Variants in PRKN observed in about 807,000 individuals in gnomAD.
PRKN encodes the protein E3 ubiquitin-protein ligase parkin.
Under a neutral mutation model 59.5 loss-of-function variants are expected in PRKN, and 56 were observed. That is an observed-to-expected ratio of 0.94 (90% confidence interval 0.76 to 1.18). The LOEUF is 1.18. Ranked by LOEUF, PRKN falls within the 50% of genes most tolerant of loss-of-function variation. The pLI is 0.00. For missense variants in PRKN, 657 were observed against 596.4 expected (o/e 1.10, Z -1.06); for synonymous variants, 250 against 222.1 (o/e 1.13, Z -1.12).
intron 1 of PRKN, among the ~76,000 whole-genome samples, chr6:162,593,488 T>C (rs1239660175): frequency 6.6e-6 from 1 of 152,230 alleles, no homozygotes; most frequent in East Asian, 1.9e-4. Context: ...AACTATGGCA[T>C]CATCTCTCTG....
At chr6:161,512,903 G>A (rs16892673) in intron 9 of PRKN, among the ~76,000 whole-genome samples, 13,451 of 152,128 alleles carry the variant, frequency 0.088, 685 homozygotes, top group African/African-American at 0.15. Context: ...AACAATATCC[G>A]TGCTGATGAT....
intron 9 of PRKN, among the ~76,000 whole-genome samples, chr6:161,439,225 T>A (rs1389807191): frequency 6.6e-6 from 1 of 152,134 alleles, no homozygotes; most frequent in Admixed American, 6.5e-5. Flanking sequence ...AATGACTCAT[T>A]AGTCCCGGGC....
At chr6:162,352,277 G>A (rs956041401) in intron 2 of PRKN, among the ~76,000 whole-genome samples, 4 of 152,154 alleles carry the variant, frequency 2.6e-5, no homozygotes, top group African/African-American at 4.8e-5. Context: ...TGTGCTTCAC[G>A]TAGTCTATGA....
chr6:161,718,131 T>A (rs1482731866), intron 7 of PRKN, among the ~76,000 whole-genome samples: 1 of 152,204 alleles, frequency 6.6e-6, no homozygotes, highest in African/African-American at 2.4e-5. Context: ...TGGTCTTTTT[T>A]CACTGCCCTT....
rs753238837 is a variant in PRKN, at chr6:162,025,014, A to ATT, written c.618+29075_618+29076dup. ...TATGTTGTGTTCATGTCCAGATTGT[A>ATT]TTTTTTTTTTTTTTTTTTTGAGACG... On this transcript the variant is annotated intron_variant, in intron 5 of 11. Transcript: ENST00000366898. Among the ~76,000 whole-genome samples the ATT allele has an allele frequency of 6.7e-4, 88 of 130,964 alleles. 1 individual carries two copies. Among genetic ancestry groups the ATT allele is most frequent in the African/African-American group, 1.3e-3 (45 of 34,506 alleles). The allele number at this position is 130,964 out of a possible 152,430, so 85.9% of individuals were successfully genotyped here.
chr6:162,132,619 A>G (rs1781410551), intron 4 of PRKN, among the ~76,000 whole-genome samples: 1 of 152,158 alleles, frequency 6.6e-6, no homozygotes, highest in South Asian at 2.1e-4. Context: ...GACCAGTATG[A>G]CATCTATTAA....
intron 1 of PRKN, among the ~76,000 whole-genome samples, chr6:162,492,917 C>T (rs1429550143): frequency 6.8e-6 from 1 of 147,302 alleles, no homozygotes; most frequent in Admixed American, 6.9e-5. Flanking sequence ...CCCGCCACTG[C>T]ACTCCAGCCT....
rs755120524 is a variant in PRKN at position 162,506,855 on chromosome 6, G to A, written c.8-63382C>T. On this transcript the variant is annotated intron_variant, in intron 1 of 11. Coordinates refer to ENST00000366898, the MANE Select transcript of PRKN (RefSeq NM_004562.3). ...CGCATCACAGTGGACTTAAGGGGCC[G>A]AGGAGAAGAGACAAGGTTGGCACTG... 2.8e-4 allele frequency among the ~76,000 whole-genome samples: 43 copies of A among 152,172 alleles called. 1 individual carries two copies. Among genetic ancestry groups the A allele is most frequent in the Non-Finnish European group, 5.0e-4 (34 of 68,024 alleles).
Position 161,498,887 on chromosome 6 carries a change from A to G in PRKN, c.1083+49967T>C, listed in dbSNP as rs1288248051. The stretch of plus-strand genomic sequence containing the variant: ...ATATGCTTTGGAACACCTATACATA[A>G]TAAAAGCAGAGATGGTCATGTTGAA... On this transcript the variant is annotated intron_variant, in intron 9 of 11. Transcript: ENST00000366898. The surrounding 1 kb of genome is among the most constrained non-coding windows in gnomAD (Gnocchi z 4.2). 2.0e-5 allele frequency among the ~76,000 whole-genome samples: 3 copies of G among 152,196 alleles called. No individual in the cohort carries two copies. Among genetic ancestry groups the G allele is most frequent in the African/African-American group, 7.2e-5 (3 of 41,446 alleles).
intron 2 of PRKN, among the ~76,000 whole-genome samples, chr6:162,416,283 C>T (rs979563896): frequency 3.3e-5 from 5 of 152,108 alleles, no homozygotes; most frequent in Non-Finnish European, 5.9e-5. Context: ...ATTTGAATCC[C>T]CCAGACCCCA....
At chr6:162,594,065 A>G (rs1182746428) in intron 1 of PRKN, among the ~76,000 whole-genome samples, 1 of 151,968 alleles carries the variant, frequency 6.6e-6, no homozygotes, top group African/African-American at 2.4e-5. Flanking sequence ...CAGGAGAATC[A>G]CTTGAACCTA....
intron 1 of PRKN, among the ~76,000 whole-genome samples, chr6:162,652,174 G>A (rs148465007): frequency 2.0e-5 from 3 of 152,200 alleles, no homozygotes; most frequent in Admixed American, 6.5e-5. Flanking sequence ...TGGCAAAACC[G>A]CCCCAGTTGA....
intron 5 of PRKN, among the ~76,000 whole-genome samples, chr6:162,027,441 T>C (rs1162677772): frequency 6.6e-6 from 1 of 152,156 alleles, no homozygotes; most frequent in East Asian, 1.9e-4. Flanking sequence ...TATTTTCAGT[T>C]CCTGCGAGTG....
intron 7 of PRKN, among the ~76,000 whole-genome samples, chr6:161,707,473 A>G (rs540682979): frequency 6.6e-6 from 1 of 152,346 alleles, no homozygotes; most frequent in South Asian, 2.1e-4. Context: ...ATAATACCAT[A>G]TGGACACCCA....
At chr6:161,825,725 C>CG (rs1404555032) in intron 6 of PRKN, among the ~76,000 whole-genome samples, 1 of 152,162 alleles carries the variant, frequency 6.6e-6, no homozygotes, top group Non-Finnish European at 1.5e-5. Flanking sequence ...CTGCTCCCCC[C>CG]GGGACACACC....
chr6:161,457,198 GC>G lies in PRKN; in HGVS notation c.1084-70322del, dbSNP rs1790008660. Among the ~76,000 whole-genome samples, 1 of 152,178 alleles carries G rather than the reference GC, an allele frequency of 6.6e-6. No homozygotes were observed. The highest frequency in any genetic ancestry group is 1.5e-5 in the Non-Finnish European group (1 of 68,038). Reference sequence around the variant, plus strand: ...TAAACCCATGAGATTTTGTAATAAAGCCAAGGCTAATAATAATGCATTCCAT... The same window carrying G: ...TAAACCCATGAGATTTTGTAATAAAGCAAGGCTAATAATAATGCATTCCAT... On this transcript the variant is annotated intron_variant, in intron 9 of 11. Transcript: ENST00000366898. The surrounding 1 kb of genome is among the most constrained non-coding windows in gnomAD (Gnocchi z 5.0).
intron 7 of PRKN, among the ~76,000 whole-genome samples, chr6:161,660,113 C>A (rs1784490817): frequency 6.6e-6 from 1 of 152,176 alleles, no homozygotes; most frequent in Admixed American, 6.5e-5. Flanking sequence ...ATGATTAGAA[C>A]TATTAGTCTG....
At chr6:161,504,972 C>G (rs1478350283) in intron 9 of PRKN, among the ~76,000 whole-genome samples, 1 of 145,202 alleles carries the variant, frequency 6.9e-6, no homozygotes, top group Non-Finnish European at 1.5e-5. Context: ...GTGAATAGTG[C>G]TGCAATAAAC....
At chr6:161,947,165 A>G (rs940384473) in intron 6 of PRKN, among the ~76,000 whole-genome samples, 1 of 152,224 alleles carries the variant, frequency 6.6e-6, no homozygotes, top group Non-Finnish European at 1.5e-5. Context: ...ATATATATGC[A>G]TGTACATACC....
Sources: gnomAD v4.1 joint callset for allele counts (sites outside exome capture counted in the v4.1 genomes callset) on GRCh38, gnomAD v4.1.1 for gene constraint, Gnocchi (gnomAD v3.1) non-coding constraint, MANE v1.5 for transcripts, NCBI Gene and HGNC (gene_info 2026-07-23, HGNC 2026-07-21) for gene names.